The following MCTP1 variants were observed in gnomAD, a reference collection of about 807,000 sequenced individuals.
MCTP1 encodes multiple C2 and transmembrane domain-containing protein 1.
Under a neutral mutation model 120.6 loss-of-function variants are expected in MCTP1, and 69 were observed. That is an observed-to-expected ratio of 0.57 (90% confidence interval 0.47 to 0.70). The LOEUF (loss-of-function observed/expected upper bound fraction) is 0.70, where lower values mean the gene tolerates loss of function less well. Among genes scored for constraint, MCTP1 ranks in the 30% least tolerant of loss-of-function variants. The pLI is 0.00. For missense variants in MCTP1, 1,203 were observed against 1,248.8 expected, an observed-to-expected ratio of 0.96 and a Z score of 0.55; for synonymous variants, 529 against 493.1, an observed-to-expected ratio of 1.07 and a Z score of -0.96.
chr5:94,707,600 A>T, intron 22 of MCTP1, 33 bp from the exon 23 acceptor site: 1 of 1,538,660 alleles, frequency 6.5e-7, no homozygotes, highest in Non-Finnish European at 9.0e-7. Flanking sequence ...AAGACTGGTC[A>T]GGTGGCCACT....
chr5:95,270,130 T>C (rs464084), intron 1 of MCTP1, among the ~76,000 whole-genome samples: 128,203 of 151,764 alleles, frequency 0.84, 54,248 homozygotes, highest in African/African-American at 0.9. Context: ...GGGTGCCTGG[T>C]AAGGAATAAT....
chr5:94,713,165 T>C (rs1277344521), intron 20 of MCTP1, among the ~76,000 whole-genome samples: 2 of 152,072 alleles, frequency 1.3e-5, no homozygotes, highest in Admixed American at 6.6e-5. Flanking sequence ...TGCTTTTGAG[T>C]CTGCTTTCTG....
At chr5:94,881,052 A>C (rs1319143528) in intron 12 of MCTP1, among the ~76,000 whole-genome samples, 1 of 152,140 alleles carries the variant, frequency 6.6e-6, no homozygotes, top group Non-Finnish European at 1.5e-5. Flanking sequence ...GAGGATATTA[A>C]GCCTAAAGTG....
intron 1 of MCTP1, among the ~76,000 whole-genome samples, chr5:95,111,935 T>A (rs557177117): frequency 2.6e-5 from 4 of 152,330 alleles, no homozygotes; most frequent in Non-Finnish European, 4.4e-5. Context: ...CTTGTTGATG[T>A]ATGTTAATAG....
At chr5:95,066,059 G>C (rs1443224903) in intron 1 of MCTP1, among the ~76,000 whole-genome samples, 1 of 152,130 alleles carries the variant, frequency 6.6e-6, no homozygotes, top group Non-Finnish European at 1.5e-5. Context: ...AACATCAACA[G>C]AGTGAACAAT....
At chr5:94,941,781 A>G (rs1329212710) in intron 4 of MCTP1, among the ~76,000 whole-genome samples, 3 of 150,762 alleles carry the variant, frequency 2.0e-5, no homozygotes, top group Non-Finnish European at 4.4e-5. Context: ...AATGATTAAT[A>G]TTAGTAACAA....
chr5:94,917,049 T>C (rs1038349060), intron 8 of MCTP1, among the ~76,000 whole-genome samples: 1 of 152,330 alleles, frequency 6.6e-6, no homozygotes, highest in Middle Eastern at 3.4e-3. Flanking sequence ...ATATTTGGAG[T>C]ATTTAAAAAG....
chr5:95,017,973 A>G (rs1399777950), intron 1 of MCTP1, among the ~76,000 whole-genome samples: 2 of 152,116 alleles, frequency 1.3e-5, no homozygotes, highest in African/African-American at 4.8e-5. Context: ...CAGCCCCAAC[A>G]TAAAATTTAA....
At chr5:94,746,190 G>A (rs76306289) in intron 19 of MCTP1, among the ~76,000 whole-genome samples, 3,987 of 152,244 alleles carry the variant, frequency 0.026, 78 homozygotes, top group Non-Finnish European at 0.033. Flanking sequence ...TACAAAGTCC[G>A]TCTTCCATTA....
At chr5:95,024,478 A>T (rs1838826416) in intron 1 of MCTP1, among the ~76,000 whole-genome samples, 3 of 152,148 alleles carry the variant, frequency 2.0e-5, no homozygotes, top group African/African-American at 7.2e-5. Context: ...TAAACACCAT[A>T]TATGACAAGT....
chr5:95,029,155 C>CAAAA (rs5869665), intron 1 of MCTP1, among the ~76,000 whole-genome samples: 1 of 136,008 alleles, frequency 7.4e-6, no homozygotes, highest in African/African-American at 2.8e-5. Flanking sequence ...GACTCCATCT[C>CAAAA]AAAAAAAAAA....
At chr5:94,951,547 T>C (rs1820586721) in intron 3 of MCTP1, among the ~76,000 whole-genome samples, 1 of 152,220 alleles carries the variant, frequency 6.6e-6, no homozygotes, top group African/African-American at 2.4e-5. Flanking sequence ...TATTAATACC[T>C]GCTTTCTTTC....
chr5:95,041,789 A>G (rs1842408428), intron 1 of MCTP1, among the ~76,000 whole-genome samples: 1 of 152,226 alleles, frequency 6.6e-6, no homozygotes, highest in Non-Finnish European at 1.5e-5. Flanking sequence ...GTTGTAGGAA[A>G]AATATTCCCC....
At chr5:95,280,674 C>T (rs1760244872) in intron 1 of MCTP1, among the ~76,000 whole-genome samples, 1 of 151,946 alleles carries the variant, frequency 6.6e-6, no homozygotes, top group Non-Finnish European at 1.5e-5. Flanking sequence ...ATTCTCAAAA[C>T]AGAACATTTG....
intron 2 of MCTP1, among the ~76,000 whole-genome samples, chr5:94,958,192 C>T (rs1000606329): frequency 9.9e-5 from 15 of 152,068 alleles, no homozygotes; most frequent in African/African-American, 3.6e-4. Context: ...AAAATTAGGG[C>T]AGAAATAAAT....
At chr5:94,907,786 GA>G (rs144315354) in intron 10 of MCTP1, among the ~76,000 whole-genome samples, 17 of 147,878 alleles carry the variant, frequency 1.1e-4, no homozygotes, top group South Asian at 4.2e-4. Context: ...GTCATTATAC[GA>G]AAAAAAAAAT....
intron 17 of MCTP1, among the ~76,000 whole-genome samples, chr5:94,815,801 G>A (rs1328205644): frequency 1.3e-5 from 2 of 152,272 alleles, no homozygotes; most frequent in South Asian, 2.1e-4. Flanking sequence ...GCTCAAGACC[G>A]TCTGGGTCTT....
At chr5:94,879,515 T>G (rs1449201959) in intron 12 of MCTP1, among the ~76,000 whole-genome samples, 2 of 152,126 alleles carry the variant, frequency 1.3e-5, no homozygotes, top group East Asian at 1.9e-4. Context: ...TTAAACATTT[T>G]GATCTTAGGA....
At chr5:94,749,003 C>A (rs1013835203) in intron 19 of MCTP1, among the ~76,000 whole-genome samples, 7 of 152,188 alleles carry the variant, frequency 4.6e-5, no homozygotes, top group African/African-American at 1.4e-4. Flanking sequence ...TTTGATGCTT[C>A]TGCTGTAATT....
Sources: allele counts gnomAD v4.1 joint callset (sites outside exome capture counted in the v4.1 genomes callset), GRCh38; gene constraint gnomAD v4.1.1; transcripts MANE v1.5; gene names NCBI Gene and HGNC (gene_info 2026-07-23, HGNC 2026-07-21).